Variants in INSR observed in about 807,000 individuals in gnomAD.
The protein encoded by INSR is IR.
A neutral mutation model predicts 142.6 loss-of-function variants in INSR; 67 were observed. That is an observed-to-expected ratio of 0.47 (90% CI 0.39 to 0.58). The LOEUF is 0.58. Among genes scored for constraint, INSR ranks in the 20% least tolerant of loss-of-function variants. The pLI, the probability that INSR is intolerant of heterozygous loss-of-function variation, is 0.00. For missense variants in INSR, 1,248 were observed against 1,833.2 expected (o/e 0.68, Z 5.83); for synonymous variants, 756 against 743.1 (o/e 1.02, Z -0.28).
chr19:7,229,303 T>TGGAG (rs1975889550), intron 2 of INSR, among the ~76,000 whole-genome samples: 1 of 50,368 alleles, frequency 2.0e-5, no homozygotes, highest in Non-Finnish European at 5.2e-5. Flanking sequence ...GGAGGGATGA[T>TGGAG]GGATGGATGG....
intron 2 of INSR, among the ~76,000 whole-genome samples, chr19:7,229,030 GATGA>G (rs372697142): frequency 6.6e-6 from 1 of 150,804 alleles, no homozygotes; most frequent in Non-Finnish European, 1.5e-5. Flanking sequence ...TGGATGGATG[GATGA>G]ATGGATGAGT....
chr19:7,142,457 G>C (rs1033506276), intron 12 of INSR, among the ~76,000 whole-genome samples: 1 of 149,734 alleles, frequency 6.7e-6, no homozygotes, highest in African/African-American at 2.5e-5. Flanking sequence ...CACTTTGAGA[G>C]GCCGATGTGG....
chr19:7,170,715 T>G lies in INSR; in HGVS notation c.1305A>C (p.Leu435=). The part of the protein sequence containing the change: ...YSFYALDNQN[L]RQLWDWSKHN... Reference sequence around the variant, plus strand: ...GTTTGCTCCAGTCCCAGAGCTGCCTTAGGTTCTGGTTGTCCAAGGCATAGA... The same window carrying G: ...GTTTGCTCCAGTCCCAGAGCTGCCTGAGGTTCTGGTTGTCCAAGGCATAGA... Residue 435 remains leucine, a synonymous_variant, in exon 6 of 22, where the codon CTA becomes CTC. Transcript: ENST00000302850. The G allele has an allele frequency of 6.2e-7, 1 of 1,613,996 alleles. No homozygotes were observed. Among genetic ancestry groups the G allele is most frequent in the East Asian group, 2.2e-5 (1 of 44,878 alleles).
intron 2 of INSR, among the ~76,000 whole-genome samples, chr19:7,256,783 A>G (rs781490441): frequency 2.6e-5 from 4 of 151,928 alleles, no homozygotes; most frequent in Non-Finnish European, 4.4e-5. Context: ...AATGAATTAC[A>G]ACTACTGTGG....
rs1972433040 is a variant in INSR at position 7,119,707 on chromosome 19, C to G, written c.3660-124G>C. 5 of 1,062,366 alleles carry G rather than the reference C, an allele frequency of 4.7e-6. No individual in the cohort carries two copies. The South Asian group carries it at 6.4e-5, about 14-fold the overall frequency. 65.8% of individuals were successfully genotyped at this position (1,062,366 alleles called of 1,614,324 possible). On this transcript the variant is annotated intron_variant, in intron 20 of 21. Transcript: ENST00000302850. The surrounding 1 kb of genome is among the most constrained non-coding windows in gnomAD (Gnocchi z 5.2). ...AAACACACATGCCAACACATACATG[C>G]AAACACACACATGCAAACACACACG...
intron 2 of INSR, among the ~76,000 whole-genome samples, chr19:7,200,315 G>A (rs1456962685): frequency 1.3e-5 from 2 of 152,140 alleles, no homozygotes; most frequent in Non-Finnish European, 2.9e-5. Flanking sequence ...CTTACCTGCT[G>A]GATGACGCCC....
chr19:7,244,731 T>C (rs931186660), intron 2 of INSR, among the ~76,000 whole-genome samples: 2 of 152,278 alleles, frequency 1.3e-5, no homozygotes, highest in South Asian at 2.1e-4. Flanking sequence ...AAGTTCTGTT[T>C]AGAAATAACT....
At chr19:7,244,234 A>G (rs978212957) in intron 2 of INSR, among the ~76,000 whole-genome samples, 2 of 152,140 alleles carry the variant, frequency 1.3e-5, no homozygotes, top group Admixed American at 1.3e-4. Context: ...GGACAATATA[A>G]AAGATTTGAA....
intron 2 of INSR, among the ~76,000 whole-genome samples, chr19:7,247,933 G>A (rs909073574): frequency 6.6e-6 from 1 of 152,142 alleles, no homozygotes; most frequent in Admixed American, 6.5e-5. Context: ...ACATGTGGCT[G>A]TGGCTGGCAG....
chr19:7,268,427 G>A (rs7248939), intron 1 of INSR: 346,586 of 984,182 alleles, frequency 0.35, 61,881 homozygotes, highest in East Asian at 0.61. Flanking sequence ...GTGTGGTGAG[G>A]GCTTCCCAGG....
chr19:7,265,472 G>A (rs1184496380), intron 2 of INSR, among the ~76,000 whole-genome samples: 3 of 152,196 alleles, frequency 2.0e-5, no homozygotes, highest in African/African-American at 7.2e-5. Context: ...TGGGCGCGGT[G>A]GCTCACGCCT....
intron 2 of INSR, among the ~76,000 whole-genome samples, chr19:7,250,565 AAAAG>A (rs1976693051): frequency 7.2e-6 from 1 of 139,760 alleles, no homozygotes; most frequent in Admixed American, 7.0e-5. Context: ...GAAATAAAGA[AAAAG>A]GAAGGAAGGA....
chr19:7,251,966 G>A (rs1479545312), intron 2 of INSR, among the ~76,000 whole-genome samples: 1 of 152,104 alleles, frequency 6.6e-6, no homozygotes, highest in East Asian at 1.9e-4. Flanking sequence ...CCACTCCTAG[G>A]TATAACTTCG....
At chr19:7,132,514 G>A (rs948531346) in intron 13 of INSR, among the ~76,000 whole-genome samples, 197 bp from the exon 14 acceptor site, 1 of 152,162 alleles carries the variant, frequency 6.6e-6, no homozygotes, top group East Asian at 1.9e-4. Context: ...GATATATGCA[G>A]AGGTTATCAT....
chr19:7,117,047 T>C lies in INSR; in HGVS notation c.*9A>G. The C allele has an allele frequency of 1.3e-6, 2 of 1,599,112 alleles. No homozygotes were observed. The highest frequency in any genetic ancestry group is 1.7e-6 in the Non-Finnish European group (2 of 1,169,410). On this transcript the variant is annotated 3_prime_UTR_variant, in exon 22 of 22. Coordinates refer to ENST00000302850, the MANE Select transcript of INSR (RefSeq NM_000208.4). ...GAACCCCTGCCCGCCCCCGCCACGG[T>C]AGGCACTGTTAGGAAGGATTGGACC...
chr19:7,206,598 T>A (rs974315318), intron 2 of INSR, among the ~76,000 whole-genome samples: 2 of 152,136 alleles, frequency 1.3e-5, no homozygotes, highest in African/African-American at 4.8e-5. Context: ...GGTTGCACGC[T>A]CTTTATGAGA....
At chr19:7,164,826 C>CAAAA (rs35639305) in intron 8 of INSR, among the ~76,000 whole-genome samples, 3 of 46,026 alleles carry the variant, frequency 6.5e-5, no homozygotes, top group African/African-American at 1.0e-4. Flanking sequence ...AACTCCATCT[C>CAAAA]AAAAAAAAAA....
intron 2 of INSR, among the ~76,000 whole-genome samples, chr19:7,221,833 C>T (rs4804410): frequency 0.16 from 23,784 of 151,896 alleles, 1,911 homozygotes; most frequent in South Asian, 0.27. Context: ...TACTCCAGGC[C>T]CCCCGTCCAC....
intron 13 of INSR, among the ~76,000 whole-genome samples, chr19:7,133,659 C>T (rs1204949467): frequency 2.0e-5 from 3 of 152,100 alleles, no homozygotes; most frequent in East Asian, 3.9e-4. Flanking sequence ...GTCAGGAGTT[C>T]GAGACCAGCC....
Sources: gnomAD v4.1 joint callset for allele counts (sites outside exome capture counted in the v4.1 genomes callset) on GRCh38, gnomAD v4.1.1 for gene constraint, Gnocchi (gnomAD v3.1) non-coding constraint, MANE v1.5 for transcripts, NCBI Gene and HGNC (gene_info 2026-07-23, HGNC 2026-07-21) for gene names.